The following TMPRSS11A variants were observed in gnomAD, a reference collection of about 807,000 sequenced individuals.
The protein encoded by TMPRSS11A is transmembrane serine protease 11A.
TMPRSS11A carries 53 observed loss-of-function variants against 58.9 expected under a neutral mutation model. That is an observed-to-expected ratio of 0.90 (90% CI 0.72 to 1.13). The LOEUF (loss-of-function observed/expected upper bound fraction) is 1.13. Ranked by LOEUF, TMPRSS11A falls within the 50% of genes most tolerant of loss-of-function variation. The pLI is 0.00. For synonymous variants in TMPRSS11A, 167 were observed against 169.8 expected (o/e 0.98, Z 0.13); for missense variants, 493 against 499.3 (o/e 0.99, Z 0.12).
chr4:67,954,222 A>T (rs999160), intron 1 of TMPRSS11A, among the ~76,000 whole-genome samples: 29,606 of 152,144 alleles, frequency 0.19, 3,221 homozygotes, highest in Admixed American at 0.32. Context: ...AAAGGGAAAA[A>T]TTAAAGCATA....
intron 3 of TMPRSS11A, among the ~76,000 whole-genome samples, chr4:67,939,329 T>A (rs1040223245): frequency 6.6e-6 from 1 of 152,188 alleles, no homozygotes; most frequent in Admixed American, 6.5e-5. Context: ...GTCTTTAGGG[T>A]TTTCTAGGCA....
chr4:67,951,603 CT>C (rs1721165016), intron 1 of TMPRSS11A, among the ~76,000 whole-genome samples: 1 of 142,508 alleles, frequency 7.0e-6, no homozygotes, highest in African/African-American at 2.6e-5. Context: ...TTTTTTTTTG[CT>C]TTCTTGTACA....
chr4:67,961,489 T>C (rs1721424145), intron 1 of TMPRSS11A, among the ~76,000 whole-genome samples: 1 of 322 alleles, frequency 3.1e-3, no homozygotes. Context: ...TTTCCTTTTT[T>C]TTTTTTTTTT....
chr4:67,926,265 A>G (rs926953519), intron 5 of TMPRSS11A, among the ~76,000 whole-genome samples: 1 of 152,230 alleles, frequency 6.6e-6, no homozygotes, highest in African/African-American at 2.4e-5. Context: ...ATTCTTGACA[A>G]ATTATAAATA....
chr4:67,957,410 G>A (rs1721313808), intron 1 of TMPRSS11A, among the ~76,000 whole-genome samples: 1 of 152,182 alleles, frequency 6.6e-6, no homozygotes, highest in African/African-American at 2.4e-5. Context: ...GTCTCAGATG[G>A]AGATAAGGAA....
In TMPRSS11A at chr4:67,919,235, G is replaced by A. The variant is rs1186300340; in HGVS notation, c.693-3C>T. On this transcript the variant is annotated splice_region_variant and splice_polypyrimidine_tract_variant and intron_variant, in intron 7 of 9. Transcript: ENST00000508048. ...TCCATTGATGTGGATTTTTATACCTGGAAAAGGTTAGAAATTAACAGAATA... is the reference window on the plus strand; with the variant it reads ...TCCATTGATGTGGATTTTTATACCTAGAAAAGGTTAGAAATTAACAGAATA... 2.5e-6 allele frequency: 4 copies of A among 1,612,958 alleles called. No homozygotes were observed. The highest frequency in any genetic ancestry group is 1.1e-5 in the South Asian group (1 of 91,040).
intron 3 of TMPRSS11A, among the ~76,000 whole-genome samples, chr4:67,939,254 T>G (rs572656922): frequency 6.0e-4 from 91 of 152,330 alleles, no homozygotes; most frequent in African/African-American, 2.1e-3. Flanking sequence ...CTGAATTTTG[T>G]ACATTGATTT....
At chr4:67,914,843 A>G (rs967331427) in intron 8 of TMPRSS11A, 113 bp from the exon 9 acceptor site, 21 of 819,826 alleles carry the variant, frequency 2.6e-5, no homozygotes, top group Non-Finnish European at 3.6e-5. Flanking sequence ...TACAGAATGA[A>G]GTTAATATAA....
Position 67,918,289 on chromosome 4 carries a change from A to T in TMPRSS11A, c.952+684T>A, listed in dbSNP as rs79861513. Among the ~76,000 whole-genome samples, 1,312 of 152,344 alleles carry T rather than the reference A, an allele frequency of 8.6e-3. 15 individuals are homozygous for T. The highest frequency in any genetic ancestry group is 0.03 in the African/African-American group (1,232 of 41,582). On this transcript the variant is annotated intron_variant, in intron 8 of 9. Coordinates refer to ENST00000508048, the MANE Select transcript of TMPRSS11A (RefSeq NM_001114387.2). ...CTCACTAAGATTGCCTAGAACATTC[A>T]GTAACTAAATCATCATTATTTCTTA...
At chr4:67,945,012 C>G (rs1398774262) in intron 2 of TMPRSS11A, among the ~76,000 whole-genome samples, 1 of 152,186 alleles carries the variant, frequency 6.6e-6, no homozygotes, top group Non-Finnish European at 1.5e-5. Flanking sequence ...AGAGCTTGAA[C>G]ATTTCATTGC....
At chr4:67,926,140 G>C (rs1720460359) in intron 5 of TMPRSS11A, among the ~76,000 whole-genome samples, 2 of 152,294 alleles carry the variant, frequency 1.3e-5, no homozygotes, top group South Asian at 4.1e-4. Flanking sequence ...TGAGCTGCTT[G>C]ACTACAGCCT....
chr4:67,916,209 A>T (rs1005806439), intron 8 of TMPRSS11A, among the ~76,000 whole-genome samples: 2 of 152,200 alleles, frequency 1.3e-5, no homozygotes, highest in Admixed American at 1.3e-4. Context: ...CACAGTGTAC[A>T]TATACTATAC....
chr4:67,913,062 T>C (rs932162978), intron 9 of TMPRSS11A, among the ~76,000 whole-genome samples: 3 of 152,208 alleles, frequency 2.0e-5, no homozygotes, highest in Admixed American at 2.0e-4. Flanking sequence ...CACTGGATTT[T>C]AAAAATTATG....
At chr4:67,962,979 G>A (rs1238432046) in intron 1 of TMPRSS11A, among the ~76,000 whole-genome samples, 1 of 152,178 alleles carries the variant, frequency 6.6e-6, no homozygotes. Flanking sequence ...TAAGGGACAA[G>A]TAAACACAGC....
At chr4:67,915,646 C>G (rs143365531) in intron 8 of TMPRSS11A, among the ~76,000 whole-genome samples, 4 of 152,192 alleles carry the variant, frequency 2.6e-5, no homozygotes, top group South Asian at 2.1e-4. Context: ...AAAGGGCGAG[C>G]CTTGCTGGAG....
At chr4:67,962,352 A>G (rs1013364442) in intron 1 of TMPRSS11A, among the ~76,000 whole-genome samples, 2 of 152,120 alleles carry the variant, frequency 1.3e-5, no homozygotes, top group African/African-American at 4.8e-5. Flanking sequence ...ATCTCGTATC[A>G]AATTATCATC....
chr4:67,918,445 C>A (rs1720219030), intron 8 of TMPRSS11A, among the ~76,000 whole-genome samples: 1 of 152,200 alleles, frequency 6.6e-6, no homozygotes, highest in South Asian at 2.1e-4. Context: ...AATTTTGCTA[C>A]ATAGGCATAA....
intron 9 of TMPRSS11A, 67 bp downstream of exon 9, chr4:67,914,521 A>T: frequency 6.9e-7 from 1 of 1,452,614 alleles, no homozygotes; most frequent in Non-Finnish European, 9.6e-7. Flanking sequence ...TGTAAAGAAC[A>T]TATAATATAT....
chr4:67,920,102 C>A (rs2109738246), intron 7 of TMPRSS11A, among the ~76,000 whole-genome samples: 1 of 152,138 alleles, frequency 6.6e-6, no homozygotes, highest in Middle Eastern at 3.4e-3. Flanking sequence ...GAGAGATGAT[C>A]AAATGTGGTA....
Sources: allele counts gnomAD v4.1 joint callset (sites outside exome capture counted in the v4.1 genomes callset), GRCh38; gene constraint gnomAD v4.1.1; transcripts MANE v1.5; gene names NCBI Gene and HGNC (gene_info 2026-07-23, HGNC 2026-07-21).